The following LRRC1 variants were observed in gnomAD, a reference collection of about 807,000 sequenced individuals.
The protein encoded by LRRC1 is leucine-rich repeat-containing protein 1.
LRRC1 carries 28 observed loss-of-function variants against 69.9 expected under a neutral mutation model. The ratio of observed to expected loss-of-function variants is 0.40; its 90% CI spans 0.30 to 0.55. LRRC1 has a LOEUF of 0.55. Among genes scored for constraint, LRRC1 ranks in the 20% least tolerant of loss-of-function variants. The pLI, the probability that LRRC1 is intolerant of heterozygous loss-of-function variation, is 0.47. For missense variants in LRRC1, 498 were observed against 609.0 expected (o/e 0.82, Z 1.92); for synonymous variants, 236 against 240.2 (o/e 0.98, Z 0.16).
intron 2 of LRRC1, among the ~76,000 whole-genome samples, chr6:53,855,401 G>A (rs1020588852): frequency 3.9e-5 from 6 of 152,198 alleles, no homozygotes; most frequent in Non-Finnish European, 5.9e-5. Context: ...AAACTGGAAG[G>A]TTGAGTGCCA....
chr6:53,804,336 A>G (rs1032344160), intron 1 of LRRC1, among the ~76,000 whole-genome samples: 2 of 152,218 alleles, frequency 1.3e-5, no homozygotes, highest in African/African-American at 4.8e-5. Context: ...GGATGATCAA[A>G]TCAGTCTACT....
chr6:53,821,245 G>A lies in LRRC1; in HGVS notation c.160-20865G>A, dbSNP rs117477587. ...CCTTGGATCTTGAGCAACTTGCCTT[G>A]CTAGCATCTGCTTTCTCTCTAAGGA... On this transcript the variant is annotated intron_variant, in intron 1 of 13. Coordinates refer to ENST00000370888, the MANE Select transcript of LRRC1 (RefSeq NM_018214.5). Among the ~76,000 whole-genome samples the A allele has an allele frequency of 2.0e-3, 304 of 152,270 alleles. 4 individuals carry two copies. In the East Asian group the frequency reaches 0.041, roughly 21 times the overall value.
intron 10 of LRRC1, among the ~76,000 whole-genome samples, chr6:53,907,810 A>G (rs2127439541): frequency 6.7e-6 from 1 of 148,210 alleles, no homozygotes; most frequent in East Asian, 2.0e-4. Flanking sequence ...TGTTCAGATT[A>G]TTCACTCTCA....
intron 1 of LRRC1, among the ~76,000 whole-genome samples, chr6:53,823,698 G>A (rs1219393673): frequency 6.6e-6 from 1 of 151,984 alleles, no homozygotes; most frequent in Non-Finnish European, 1.5e-5. Context: ...TACCCTTTGT[G>A]TGTCCATATG....
At chr6:53,908,530 A>G (rs2127439785) in intron 10 of LRRC1, among the ~76,000 whole-genome samples, 1 of 152,346 alleles carries the variant, frequency 6.6e-6, no homozygotes, top group East Asian at 1.9e-4. Context: ...GATTAAAGAC[A>G]TGATATAGAA....
rs1007485294 is a variant in LRRC1 at position 53,868,314 on chromosome 6, C to T, written c.278-10679C>T. 3.3e-5 allele frequency among the ~76,000 whole-genome samples: 5 copies of T among 151,788 alleles called. No homozygotes were observed. In the East Asian group the frequency reaches 5.8e-4, roughly 18 times the overall value. On this transcript the variant is annotated intron_variant, in intron 2 of 13. Coordinates refer to ENST00000370888, the MANE Select transcript of LRRC1 (RefSeq NM_018214.5). ...TTGGCTCACGGCAACCTCTGCCTCC[C>T]GCGTTTAAGCGATTCTCCTGCCTCA...
intron 2 of LRRC1, among the ~76,000 whole-genome samples, chr6:53,873,539 T>C (rs569467013): frequency 6.6e-6 from 1 of 152,026 alleles, no homozygotes; most frequent in African/African-American, 2.4e-5. Flanking sequence ...GACCCCGTGA[T>C]CTGCCCGCCT....
intron 1 of LRRC1, among the ~76,000 whole-genome samples, chr6:53,831,453 C>T (rs1765425493): frequency 6.6e-6 from 1 of 152,154 alleles, no homozygotes; most frequent in Non-Finnish European, 1.5e-5. Flanking sequence ...AACAAACTTT[C>T]CAGAATAAAT....
At chr6:53,886,839 G>A (rs916015629) in intron 4 of LRRC1, among the ~76,000 whole-genome samples, 1 of 152,160 alleles carries the variant, frequency 6.6e-6, no homozygotes, top group Non-Finnish European at 1.5e-5. Flanking sequence ...TTAGTCCTTT[G>A]TCTTTACACA....
chr6:53,877,642 G>A (rs530340608), intron 2 of LRRC1, among the ~76,000 whole-genome samples: 1 of 152,076 alleles, frequency 6.6e-6, no homozygotes, highest in East Asian at 1.9e-4. Flanking sequence ...TCTAGGGTAG[G>A]GGCAAAATGC....
intron 8 of LRRC1, among the ~76,000 whole-genome samples, chr6:53,900,102 A>G (rs1768010480): frequency 7.3e-6 from 1 of 136,912 alleles, no homozygotes. Context: ...CAGTGGTGCA[A>G]TCTCAGCTCA....
chr6:53,857,471 C>T (rs528142733), intron 2 of LRRC1, among the ~76,000 whole-genome samples: 26 of 152,238 alleles, frequency 1.7e-4, no homozygotes, highest in African/African-American at 5.8e-4. Flanking sequence ...GGTGAAACTG[C>T]CCAGGCATAA....
chr6:53,908,803 A>G (rs555656844), intron 10 of LRRC1, among the ~76,000 whole-genome samples: 1 of 152,300 alleles, frequency 6.6e-6, no homozygotes, highest in South Asian at 2.1e-4. Context: ...TACTATAGAG[A>G]AGTAGACAAA....
intron 9 of LRRC1, 151 bp downstream of exon 9, chr6:53,902,898 C>T (rs1001493713): frequency 3.5e-6 from 2 of 566,642 alleles, no homozygotes; most frequent in Non-Finnish European, 6.2e-6. Flanking sequence ...AGTTTTTAAC[C>T]TGCTTAAGCA....
At chr6:53,897,009 G>A (rs1021232720) in intron 6 of LRRC1, 117 bp downstream of exon 6, 2 of 705,020 alleles carry the variant, frequency 2.8e-6, no homozygotes, top group East Asian at 2.6e-5. Flanking sequence ...GTAACTTGGG[G>A]ACACTAGAGA....
At chr6:53,860,057 G>A (rs183161958) in intron 2 of LRRC1, among the ~76,000 whole-genome samples, 1 of 152,288 alleles carries the variant, frequency 6.6e-6, no homozygotes, top group South Asian at 2.1e-4. Flanking sequence ...GTGCCTATGA[G>A]AATTGCTTTA....
intron 2 of LRRC1, among the ~76,000 whole-genome samples, chr6:53,854,293 G>A (rs1766241194): frequency 6.6e-6 from 1 of 152,172 alleles, no homozygotes; most frequent in African/African-American, 2.4e-5. Flanking sequence ...TCCCTGAGAA[G>A]ACTAAGAAGA....
rs776435212 is a variant in LRRC1, at chr6:53,920,609, G to C, written c.1280-16G>C. On this transcript the variant is annotated splice_polypyrimidine_tract_variant and intron_variant, in intron 12 of 13. Transcript: ENST00000370888. ...TGAAACGCAATTCCCTGCTTATGTG[G>C]TCTTTGTCACTGCAGAGAATCTGCC... 2.5e-6 allele frequency: 4 copies of C among 1,614,094 alleles called. No homozygotes were observed. Among genetic ancestry groups the C allele is most frequent in the Non-Finnish European group, 3.4e-6 (4 of 1,179,980 alleles).
rs772638013 is a variant in LRRC1 at position 53,920,633 on chromosome 6, C to T, written c.1288C>T (p.Pro430Ser). 44 of 1,613,970 alleles carry T rather than the reference C, an allele frequency of 2.7e-5. No individual in the cohort carries two copies. The Admixed American group carries it at 6.8e-4, about 25-fold the overall frequency. Residue 430 changes from proline (P) to serine (S), a missense_variant, in exon 13 of 14, where the codon CCT (proline) becomes TCT (serine). This residue lies in a region of LRRC1 where 162 missense variants were observed against 162.9 expected (regional missense o/e 0.99). Coordinates refer to ENST00000370888, the MANE Select transcript of LRRC1 (RefSeq NM_018214.5). ...GGTCTTTGTCACTGCAGAGAATCTG[C>T]CTCGCTGTGGTGCACTGGAGAACTT... is the stretch of plus-strand genomic sequence containing the variant. ...PSEPTCQENL[P>S]RCGALENLVN...
Sources: gnomAD v4.1 joint callset for allele counts (sites outside exome capture counted in the v4.1 genomes callset) on GRCh38, gnomAD v4.1.1 for gene constraint, gnomAD v4.1.1 regional missense constraint, MANE v1.5 for transcripts, NCBI Gene and HGNC (gene_info 2026-07-23, HGNC 2026-07-21) for gene names.